SDK1: variants seen among roughly 807,000 people sequenced by gnomAD.
The protein encoded by SDK1 is sidekick cell adhesion molecule 1.
A neutral mutation model predicts 245.5 loss-of-function variants in SDK1; 157 were observed. The observed-to-expected ratio is 0.64, with a 90% confidence interval of 0.56 to 0.73. The LOEUF is 0.73. SDK1 is among the 30% of genes least tolerant of loss of function. The pLI is 0.00. For missense variants in SDK1, 3,583 were observed against 3,002.3 expected (o/e 1.19, Z -4.52); for synonymous variants, 1,647 against 1,278.5 (o/e 1.29, Z -6.15).
chr7:3,716,698 G>A (rs1044395687), intron 4 of SDK1, among the ~76,000 whole-genome samples: 3 of 151,312 alleles, frequency 2.0e-5, no homozygotes, highest in Non-Finnish European at 2.9e-5. Context: ...GGTCAGTGCT[G>A]CAGTGAGCTA....
intron 1 of SDK1, among the ~76,000 whole-genome samples, chr7:3,381,861 T>C (rs186297595): frequency 3.9e-4 from 59 of 152,254 alleles, no homozygotes; most frequent in African/African-American, 1.4e-3. Context: ...GTCTGTAGAG[T>C]GCCATTATCT....
intron 1 of SDK1, among the ~76,000 whole-genome samples, chr7:3,532,445 G>C (rs567088203): frequency 6.6e-6 from 1 of 152,268 alleles, no homozygotes; most frequent in Non-Finnish European, 1.5e-5. Context: ...CTCCTGGTAC[G>C]TTAGGTCTCA....
At chr7:3,807,195 C>A (rs1414374430) in intron 4 of SDK1, among the ~76,000 whole-genome samples, 1 of 152,192 alleles carries the variant, frequency 6.6e-6, no homozygotes, top group Non-Finnish European at 1.5e-5. Flanking sequence ...GAACCCAGGG[C>A]TCATAGCTCT....
intron 4 of SDK1, among the ~76,000 whole-genome samples, chr7:3,789,914 G>A (rs955570706): frequency 2.0e-5 from 3 of 152,128 alleles, no homozygotes; most frequent in Non-Finnish European, 4.4e-5. Flanking sequence ...GCTGTGTTGG[G>A]GGGTTGGGGG....
At chr7:3,770,370 G>A (rs1002513392) in intron 4 of SDK1, among the ~76,000 whole-genome samples, 1 of 152,122 alleles carries the variant, frequency 6.6e-6, no homozygotes, top group Non-Finnish European at 1.5e-5. Flanking sequence ...ACCTATTGAA[G>A]GACACCTGGG....
At chr7:3,367,443 G>C (rs1781120990) in intron 1 of SDK1, among the ~76,000 whole-genome samples, 1 of 152,138 alleles carries the variant, frequency 6.6e-6, no homozygotes, top group Non-Finnish European at 1.5e-5. Flanking sequence ...ATCATTCCAG[G>C]TCCTATTTTG....
At chr7:3,574,073 C>T (rs997048863) in intron 1 of SDK1, among the ~76,000 whole-genome samples, 1 of 151,670 alleles carries the variant, frequency 6.6e-6, no homozygotes, top group East Asian at 1.9e-4. Flanking sequence ...GACTTTGCCT[C>T]TGCAGCTATC....
Position 3,853,389 on chromosome 7 carries a change from C to G in SDK1, c.847+31806C>G, listed in dbSNP as rs192455859. On this transcript the variant is annotated intron_variant, in intron 5 of 44. Transcript: ENST00000404826. ...CAAGGATGTCACAATCCAATCTGGC[C>G]TGTGTTTTAAAATTATTGTGTGTGT... Among the ~76,000 whole-genome samples the G allele has an allele frequency of 3.0e-4, 46 of 152,032 alleles. 1 individual carries two copies. The highest frequency in any genetic ancestry group is 2.7e-3 in the Admixed American group (41 of 15,282).
intron 4 of SDK1, among the ~76,000 whole-genome samples, chr7:3,751,505 A>G (rs1283283963): frequency 1.3e-5 from 2 of 152,130 alleles, no homozygotes; most frequent in Non-Finnish European, 2.9e-5. Context: ...AGCACTCTGG[A>G]GAGTGGTCCA....
intron 32 of SDK1, among the ~76,000 whole-genome samples, chr7:4,169,523 C>T (rs993244392): frequency 6.6e-6 from 1 of 152,236 alleles, no homozygotes; most frequent in South Asian, 2.1e-4. Flanking sequence ...CTGCAGTTAT[C>T]CTCCAGTTCT....
intron 1 of SDK1, among the ~76,000 whole-genome samples, chr7:3,617,117 T>C (rs572905036): frequency 2.0e-5 from 3 of 152,330 alleles, no homozygotes; most frequent in Admixed American, 6.5e-5. Flanking sequence ...ATCTATGTTA[T>C]AGGGCTTTTG....
chr7:3,499,717 C>G (rs551181257), intron 1 of SDK1, among the ~76,000 whole-genome samples: 1 of 152,290 alleles, frequency 6.6e-6, no homozygotes, highest in East Asian at 1.9e-4. Flanking sequence ...GGAGCTGAGT[C>G]TGGGTCATAG....
intron 17 of SDK1, among the ~76,000 whole-genome samples, chr7:4,043,253 G>A (rs1788771720): frequency 6.6e-6 from 1 of 152,022 alleles, no homozygotes. Flanking sequence ...CAGGTAGAGT[G>A]AGTGTCACAG....
intron 1 of SDK1, among the ~76,000 whole-genome samples, chr7:3,548,436 G>A (rs895582217): frequency 9.9e-5 from 15 of 152,182 alleles, no homozygotes; most frequent in Admixed American, 3.3e-4. Flanking sequence ...AATGTTAATA[G>A]ATAATGCGAG....
At position 4,265,722 on chromosome 7, in the gene SDK1, G is replaced by A. The variant is rs1393490834; in HGVS notation, c.*338G>A. 2 of 1,087,822 alleles carry A rather than the reference G, an allele frequency of 1.8e-6. No individual in the cohort carries two copies. Among genetic ancestry groups the A allele is most frequent in the East Asian group, 7.1e-5 (1 of 14,006 alleles). The allele number at this position is 1,087,822 out of a possible 1,614,324, so 67.4% of individuals were successfully genotyped here. On this transcript the variant is annotated 3_prime_UTR_variant, in exon 45 of 45. Transcript: ENST00000404826. ...GTTTCTCCGTCTTCAAGACCAACTAGGAAGGGTCAAGCGGGGAGAGGGAGT... is the reference window on the plus strand; with the variant it reads ...GTTTCTCCGTCTTCAAGACCAACTAAGAAGGGTCAAGCGGGGAGAGGGAGT...
intron 38 of SDK1, 101 bp downstream of exon 38, chr7:4,210,263 G>A: frequency 2.5e-6 from 3 of 1,210,482 alleles, no homozygotes; most frequent in Non-Finnish European, 2.1e-6. Flanking sequence ...TGTGGGCCAG[G>A]AGCCTTCTGG....
intron 40 of SDK1, among the ~76,000 whole-genome samples, chr7:4,224,406 C>T (rs1190641285): frequency 6.6e-6 from 1 of 152,056 alleles, no homozygotes; most frequent in East Asian, 1.9e-4. Flanking sequence ...GGGGAGGTGC[C>T]ACACGTTTTT....
chr7:4,221,856 CT>C lies in SDK1; in HGVS notation c.5827+494del, dbSNP rs377258445. Among the ~76,000 whole-genome samples the C allele has an allele frequency of 2.0e-3, 305 of 152,304 alleles. 1 individual carries two copies. Among genetic ancestry groups the C allele is most frequent in the African/African-American group, 7.1e-3 (296 of 41,578 alleles). On this transcript the variant is annotated intron_variant, in intron 40 of 44. Coordinates refer to ENST00000404826, the MANE Select transcript of SDK1 (RefSeq NM_152744.4). ...ATGAGGTCTAAGATCCATTTCCAGC[CT>C]TATTCACCAGAATAATTTTTTTCAC...
intron 1 of SDK1, among the ~76,000 whole-genome samples, chr7:3,565,857 G>T (rs530155613): frequency 6.6e-6 from 1 of 152,092 alleles, no homozygotes; most frequent in African/African-American, 2.4e-5. Flanking sequence ...AATTTTTTCC[G>T]AATATTTTCC....
Sources: allele counts gnomAD v4.1 joint callset (sites outside exome capture counted in the v4.1 genomes callset), GRCh38; gene constraint gnomAD v4.1.1; transcripts MANE v1.5; gene names NCBI Gene and HGNC (gene_info 2026-07-23, HGNC 2026-07-21).